The following TEAD4 variants were observed in gnomAD, a reference collection of about 807,000 sequenced individuals.
TEAD4 encodes transcriptional enhancer factor TEF-3.
TEAD4 carries 36 observed loss-of-function variants against 52.4 expected under a neutral mutation model. The ratio of observed to expected loss-of-function variants is 0.69; its 90% CI spans 0.53 to 0.91. The LOEUF is 0.91. Ranked by LOEUF, TEAD4 falls within the 40% of genes least tolerant of loss-of-function variation. The pLI is 0.00. For missense variants in TEAD4, 508 were observed against 583.9 expected (o/e 0.87, Z 1.34); for synonymous variants, 220 against 231.0 (o/e 0.95, Z 0.43).
chr12:3,012,148 G>T (rs2098260806), intron 4 of TEAD4, 22 bp from the exon 5 acceptor site: 2 of 1,613,202 alleles, frequency 1.2e-6, no homozygotes, highest in African/African-American at 1.3e-5. Flanking sequence ...GTAGAGACAG[G>T]AGTCCTCTCT....
rs543742938 is a variant in TEAD4, at chr12:2,961,411, G to C, written c.-30+1371G>C. Among the ~76,000 whole-genome samples, 6 of 152,164 alleles carry C rather than the reference G, an allele frequency of 3.9e-5. No homozygotes were observed. In the East Asian group the frequency reaches 1.2e-3, roughly 29 times the overall value. On this transcript the variant is annotated intron_variant, in intron 2 of 12. Transcript: ENST00000359864. ...GGAGCCAGAAACTGTCTCGGGGGTT[G>C]GGGGTTCTCGTCCTTGCTCCTCCAT... is the stretch of plus-strand genomic sequence containing the variant.
chr12:2,992,496 T>G (rs888382419), intron 2 of TEAD4, among the ~76,000 whole-genome samples: 1 of 152,134 alleles, frequency 6.6e-6, no homozygotes, highest in Non-Finnish European at 1.5e-5. Flanking sequence ...GAAATTGTCC[T>G]TCTCACAGGC....
At chr12:3,026,822 C>G (rs1243608098) in intron 10 of TEAD4, among the ~76,000 whole-genome samples, 1 of 152,200 alleles carries the variant, frequency 6.6e-6, no homozygotes, top group East Asian at 1.9e-4. Flanking sequence ...ACAGCAGCAT[C>G]TCTGCCACAC....
At chr12:2,999,055 A>C (rs1393486298) in intron 3 of TEAD4, among the ~76,000 whole-genome samples, 2 of 152,200 alleles carry the variant, frequency 1.3e-5, no homozygotes, top group African/African-American at 4.8e-5. Context: ...AGTGCTGACC[A>C]GCCCGGCTGG....
Position 3,017,501 on chromosome 12 carries a change from G to T in TEAD4, c.458G>T (p.Gly153Val), listed in dbSNP as rs770787414. The change falls in exon 6 of 13, where the codon GGC becomes GTC. Residue 153 changes from glycine (G) to valine (V), a missense_variant. Gly to Val is a moderately radical substitution (Grantham distance 109, BLOSUM62 -3). Transcript: ENST00000359864. Reference sequence around the variant, plus strand: ...CACAGTAGCATGGCCCTCGCCCGGGGCCCCGGCCGCCCAGCAGTCTCAGGG... The same window carrying T: ...CACAGTAGCATGGCCCTCGCCCGGGTCCCCGGCCGCCCAGCAGTCTCAGGG... 3.1e-6 allele frequency: 5 copies of T among 1,613,852 alleles called. No individual in the cohort carries two copies. In the Admixed American group the frequency reaches 5.0e-5, roughly 16 times the overall value.
intron 2 of TEAD4, among the ~76,000 whole-genome samples, chr12:2,982,823 G>A (rs1270156454): frequency 1.3e-5 from 2 of 152,212 alleles, no homozygotes; most frequent in Non-Finnish European, 2.9e-5. Context: ...AACCCCACTC[G>A]TGGGGCAGGG....
Position 3,020,660 on chromosome 12 carries a change from C to T in TEAD4, c.610C>T (p.Pro204Ser). 6.2e-7 allele frequency: 1 copy of T among 1,600,130 alleles called. No homozygotes were observed. Among genetic ancestry groups the T allele is most frequent in the Non-Finnish European group, 8.5e-7 (1 of 1,172,234 alleles). The change falls in exon 9 of 13, where the codon CCA (proline) becomes TCA (serine). Residue 204 changes from proline to serine, a missense_variant. Physicochemically the swap from Pro to Ser is moderately conservative, Grantham distance 74 (BLOSUM62 -1). Coordinates refer to ENST00000359864, the MANE Select transcript of TEAD4 (RefSeq NM_003213.4). The stretch of plus-strand genomic sequence containing the variant: ...GTTTGAGTCTCCTGCAGGGCCCGCC[C>T]CATCGCCCTCTGCGCCCCCGGCACC...
intron 3 of TEAD4, among the ~76,000 whole-genome samples, chr12:3,006,821 T>A (rs564179853): frequency 6.7e-6 from 1 of 150,172 alleles, no homozygotes; most frequent in Non-Finnish European, 1.5e-5. Flanking sequence ...AGGTCAGGAG[T>A]TCGAGACCAG....
At chr12:2,992,689 G>T (rs2098244140) in intron 2 of TEAD4, among the ~76,000 whole-genome samples, 2 of 152,124 alleles carry the variant, frequency 1.3e-5, no homozygotes, top group Admixed American at 6.6e-5. Flanking sequence ...GAAGGGACGG[G>T]CAATGTGTGT....
At chr12:3,018,397 G>T (rs1565545305) in intron 6 of TEAD4, 148 bp from the exon 7 acceptor site, 2 of 834,084 alleles carry the variant, frequency 2.4e-6, no homozygotes, top group South Asian at 1.6e-5. Context: ...TGCTGCTGTG[G>T]CCTGTTAGCA....
rs117589926 is a variant in TEAD4 at position 3,033,287 on chromosome 12, C to T, written c.898-4681C>T. On this transcript the variant is annotated intron_variant, in intron 10 of 12. Coordinates refer to ENST00000359864, the MANE Select transcript of TEAD4 (RefSeq NM_003213.4). ...CATTTCCAGCTAGAAGTGGCATCTG[C>T]CAGCCTGAAGGGCTGAGGCTGCTAG... 2.5e-3 allele frequency among the ~76,000 whole-genome samples: 388 copies of T among 152,332 alleles called. 7 individuals carry two copies. In the East Asian group the frequency reaches 0.038, roughly 15 times the overall value.
chr12:3,011,957 C>T (rs2098260682), intron 4 of TEAD4, among the ~76,000 whole-genome samples: 1 of 152,268 alleles, frequency 6.6e-6, no homozygotes, highest in Non-Finnish European at 1.5e-5. Context: ...TGAGCCACTG[C>T]TCCCTGCCGG....
At position 2,994,782 on chromosome 12, in the gene TEAD4, G is replaced by A. The variant is rs764221350; in HGVS notation, c.16G>A (p.Gly6Ser). 31 of 1,611,980 alleles carry A rather than the reference G, an allele frequency of 1.9e-5. No homozygotes were observed. The highest frequency in any genetic ancestry group is 1.7e-5 in the Admixed American group (1 of 59,850). The change falls in exon 3 of 13, where the codon GGC becomes AGC. Residue 6 changes from glycine (G) to serine (S), a missense_variant. By Grantham distance (56) the Gly-to-Ser change is moderately conservative. Transcript: ENST00000359864. This position sits in a 1 kb window ranked among gnomAD's most constrained non-coding sequence, Gnocchi z 4.7. ...AAGCGGAGCCTTGGAGGGCACGGCC[G>A]GCACCATTACCTCCAACGAGTGGAG...
chr12:2,988,040 C>G (rs1247277280), intron 2 of TEAD4, among the ~76,000 whole-genome samples: 1 of 150,666 alleles, frequency 6.6e-6, no homozygotes, highest in East Asian at 2.0e-4. Flanking sequence ...TGCACTCCAG[C>G]CTGGGTGACA....
At chr12:3,006,402 A>G (rs764042304) in intron 3 of TEAD4, among the ~76,000 whole-genome samples, 6 of 152,214 alleles carry the variant, frequency 3.9e-5, no homozygotes, top group Non-Finnish European at 4.4e-5. Context: ...AGTTTAAAAA[A>G]AGAAAGAAAA....
intron 3 of TEAD4, among the ~76,000 whole-genome samples, chr12:3,008,408 C>T (rs2098257614): frequency 1.3e-5 from 2 of 152,108 alleles, no homozygotes; most frequent in Admixed American, 6.6e-5. Flanking sequence ...AGAGAGGTGA[C>T]TGAACTGGGG....
chr12:3,020,614 G>C lies in TEAD4; in HGVS notation c.584-20G>C, dbSNP rs1302284638. On this transcript the variant is annotated intron_variant, in intron 8 of 12. Transcript: ENST00000359864. The stretch of plus-strand genomic sequence containing the variant: ...GGGTGTCCGTGACCAGGTTCCATGT[G>C]CCTTTCTCACTTTGTGCAGGGTTTG... The C allele has an allele frequency of 2.0e-6, 3 of 1,516,862 alleles. No homozygotes were observed. Among genetic ancestry groups the C allele is most frequent in the Non-Finnish European group, 2.7e-6 (3 of 1,127,878 alleles). 94.0% of individuals were successfully genotyped at this position (1,516,862 alleles called of 1,614,324 possible).
At chr12:2,991,198 C>G (rs7295675) in intron 2 of TEAD4, among the ~76,000 whole-genome samples, 19,016 of 151,798 alleles carry the variant, frequency 0.13, 2,268 homozygotes, top group African/African-American at 0.31. Context: ...GACACTGTCT[C>G]TAAAAAATAA....
At chr12:3,026,699 C>G (rs1322661906) in intron 10 of TEAD4, among the ~76,000 whole-genome samples, 1 of 152,138 alleles carries the variant, frequency 6.6e-6, no homozygotes, top group East Asian at 1.9e-4. Flanking sequence ...GTAGAAGAAG[C>G]TGCATACATC....
Sources: gnomAD v4.1 joint callset for allele counts (sites outside exome capture counted in the v4.1 genomes callset) on GRCh38, gnomAD v4.1.1 for gene constraint, Gnocchi (gnomAD v3.1) non-coding constraint, MANE v1.5 for transcripts, NCBI Gene and HGNC (gene_info 2026-07-23, HGNC 2026-07-21) for gene names.